Variants in KIF21B observed in about 807,000 individuals in gnomAD.
KIF21B encodes the protein kinesin family member 21B.
Under a neutral mutation model 192.9 loss-of-function variants are expected in KIF21B, and 85 were observed. That is an observed-to-expected ratio of 0.44 (90% confidence interval 0.37 to 0.53). The LOEUF is 0.53. Ranked by LOEUF, KIF21B falls within the 20% of genes least tolerant of loss-of-function variation. The pLI is 0.00. For synonymous variants in KIF21B, 832 were observed against 884.6 expected (o/e 0.94, Z 1.05); for missense variants, 1,716 against 2,194.8 (o/e 0.78, Z 4.36).
In KIF21B at chr1:201,020,929, G is replaced by T. The variant is rs114695369; in HGVS notation, c.41+2414C>A. Among the ~76,000 whole-genome samples, 135 of 152,164 alleles carry T rather than the reference G, an allele frequency of 8.9e-4. 2 individuals are homozygous for T. Among genetic ancestry groups the T allele is most frequent in the African/African-American group, 3.2e-3 (131 of 41,464 alleles). On this transcript the variant is annotated intron_variant, in intron 1 of 34. Transcript: ENST00000461742. The stretch of plus-strand genomic sequence containing the variant: ...GCTATGTTATTCTCATGGAAATTCA[G>T]AAGGCACTTCAGTTGGATTCAAGAA...
rs1443550030 is a variant in KIF21B, at chr1:200,969,464, T to A, written c.*4057A>T. On this transcript the variant is annotated 3_prime_UTR_variant, in exon 35 of 35. Transcript: ENST00000461742. ...AATCTAGGAACAGAAATGTACAACA[T>A]GGGGCTTAAATAACTTTCATACACT... The A allele has an allele frequency of 1.3e-5, 2 of 152,856 alleles. No individual in the cohort carries two copies. Among genetic ancestry groups the A allele is most frequent in the African/African-American group, 4.8e-5 (2 of 41,462 alleles). 9.5% of individuals were successfully genotyped at this position (152,856 alleles called of 1,614,324 possible).
intron 34 of KIF21B, 52 bp from the exon 35 acceptor site, chr1:200,973,630 T>G: frequency 6.6e-7 from 1 of 1,521,224 alleles, no homozygotes; most frequent in African/African-American, 1.4e-5. Flanking sequence ...GCAGTGGGCT[T>G]GGCTGGCTGC....
chr1:201,003,321 A>G, intron 8 of KIF21B: 1 of 536,352 alleles, frequency 1.9e-6, no homozygotes, highest in Non-Finnish European at 3.4e-6. Flanking sequence ...CTATGCAACA[A>G]AAGCTGGGGA....
chr1:200,979,933 A>T (rs1655811427), intron 29 of KIF21B, among the ~76,000 whole-genome samples: 1 of 152,196 alleles, frequency 6.6e-6, no homozygotes, highest in East Asian at 1.9e-4. Flanking sequence ...TTCCCTCAGA[A>T]CTTCAGACCA....
intron 1 of KIF21B, among the ~76,000 whole-genome samples, chr1:201,011,730 C>A (rs1329895111): frequency 2.0e-5 from 3 of 152,246 alleles, no homozygotes; most frequent in African/African-American, 7.2e-5. Context: ...CTGGCCTGGG[C>A]AGCCTCTGAG....
rs529917183 is a variant in KIF21B, at chr1:200,996,329, C to T, written c.2144G>A (p.Arg715Gln). The T allele has an allele frequency of 1.1e-4, 180 of 1,614,136 alleles. No individual in the cohort carries two copies. The highest frequency in any genetic ancestry group is 5.7e-4 in the Admixed American group (34 of 60,020). ...CTTCTGCAGGTCCCGGTTCATCTCC[C>T]GCAGCCTCTTCTCATAGTCTGCCTT... Reference protein sequence around the residue: ...KIKADYEKRLREMNRDLQKLQ... With the variant: ...KIKADYEKRLQEMNRDLQKLQ... The change falls in exon 15 of 35, where the codon CGG becomes CAG. Residue 715 changes from arginine to glutamine, a missense_variant. Around this residue, in one of 3 missense-constraint regions of KIF21B, gnomAD observed 1,087 missense variants for 1,316.6 expected, o/e 0.83. Coordinates refer to ENST00000461742, the MANE Select transcript of KIF21B (RefSeq NM_001252102.2).
intron 3 of KIF21B, among the ~76,000 whole-genome samples, chr1:201,006,874 A>T (rs910912699): frequency 3.3e-5 from 5 of 151,200 alleles, no homozygotes; most frequent in Admixed American, 2.6e-4. Flanking sequence ...ACACACACAC[A>T]GACACAGAGA....
At chr1:201,020,225 G>A (rs927176912) in intron 1 of KIF21B, among the ~76,000 whole-genome samples, 1 of 152,118 alleles carries the variant, frequency 6.6e-6, no homozygotes, top group Non-Finnish European at 1.5e-5. Flanking sequence ...GACTTGAAAG[G>A]GTCTTAAACA....
intron 3 of KIF21B, among the ~76,000 whole-genome samples, chr1:201,006,963 C>CAG (rs370695360): frequency 1.4e-5 from 2 of 138,672 alleles, no homozygotes; most frequent in African/African-American, 6.2e-5. Flanking sequence ...CACACACACA[C>CAG]AGACACCCAC....
intron 1 of KIF21B, among the ~76,000 whole-genome samples, chr1:201,015,245 C>T (rs1358121211): frequency 1.3e-5 from 2 of 152,232 alleles, no homozygotes; most frequent in African/African-American, 4.8e-5. Context: ...GGCATGCTCG[C>T]AGCTGCCCAC....
intron 15 of KIF21B, among the ~76,000 whole-genome samples, chr1:200,993,494 C>CA (rs1367874277): frequency 7.9e-5 from 12 of 152,182 alleles, no homozygotes; most frequent in Non-Finnish European, 1.6e-4. Context: ...GTAATCCCAG[C>CA]ACTGGCACTT....
intron 3 of KIF21B, among the ~76,000 whole-genome samples, chr1:201,008,133 T>C (rs1658019696): frequency 6.6e-6 from 1 of 152,154 alleles, no homozygotes; most frequent in African/African-American, 2.4e-5. Context: ...GTGCCCTTAC[T>C]GAGTGGGGGC....
chr1:201,004,733 G>A (rs1277943774), intron 6 of KIF21B, 33 bp downstream of exon 6: 6 of 1,613,176 alleles, frequency 3.7e-6, no homozygotes, highest in Non-Finnish European at 5.1e-6. Context: ...GAGCTGTGTG[G>A]GTGCTGGGGC....
chr1:201,020,808 TACACACACACACACACAC>T (rs60686711), intron 1 of KIF21B, among the ~76,000 whole-genome samples: 2 of 142,816 alleles, frequency 1.4e-5, no homozygotes, highest in Admixed American at 6.9e-5. Flanking sequence ...CTCTCTCCTC[TACACACACACACACACAC>T]ACACACACAC....
At chr1:201,016,086 G>A (rs1303242542) in intron 1 of KIF21B, among the ~76,000 whole-genome samples, 1 of 152,198 alleles carries the variant, frequency 6.6e-6, no homozygotes, top group African/African-American at 2.4e-5. Context: ...TGTGCCCCAT[G>A]TTACTAAGGC....
Position 200,991,032 on chromosome 1 carries a change from CAGA to C in KIF21B, c.2569_2571del (p.Ser857del), listed in dbSNP as rs1656658158. ...ACAGAGCGGGCCCCTGATTCAGCCT[CAGA>C]TGAGGTAGTGCTGGCCGACACCTCA... On this transcript the variant is annotated inframe_deletion, in exon 18 of 35. Coordinates refer to ENST00000461742, the MANE Select transcript of KIF21B (RefSeq NM_001252102.2). 1 of 1,614,068 alleles carries C rather than the reference CAGA, an allele frequency of 6.2e-7. No homozygotes were observed. Among genetic ancestry groups the C allele is most frequent in the Admixed American group, 1.7e-5 (1 of 60,014 alleles).
At position 200,977,309 on chromosome 1, in the gene KIF21B, G is replaced by C; in HGVS notation, c.4228C>G (p.Gln1410Glu). ...ATCTGGTTGATCTGATGCTCGCCCT[G>C]AGCACTGGTGATGGCACGGGTGGAT... ...ATSTRAITSA[Q>E]GEHQINQIAL... Residue 1410 changes from glutamine (Q) to glutamate (E), a missense_variant, in exon 31 of 35, where the codon CAG (glutamine) becomes GAG (glutamate). Transcript: ENST00000461742. 6.2e-7 allele frequency: 1 copy of C among 1,614,234 alleles called. No homozygotes were observed. Among genetic ancestry groups the C allele is most frequent in the Non-Finnish European group, 8.5e-7 (1 of 1,180,036 alleles).
chr1:200,973,431 G>A lies in KIF21B; in HGVS notation c.*90C>T, dbSNP rs1415167834. ...GGCCACGCCCTCTGTCCCCAGAGCA[G>A]CTGGCCCCATCGGCCGGGTCACAGC... is the stretch of plus-strand genomic sequence containing the variant. On this transcript the variant is annotated 3_prime_UTR_variant, in exon 35 of 35. Transcript: ENST00000461742. 6 of 1,363,314 alleles carry A rather than the reference G, an allele frequency of 4.4e-6. No homozygotes were observed. In the African/African-American group the frequency reaches 9.2e-5, roughly 21 times the overall value. The allele number at this position is 1,363,314 out of a possible 1,614,324, so 84.5% of individuals were successfully genotyped here. A position where few individuals can be genotyped will look rare whatever the true frequency, so the allele number is the denominator to read the frequency against.
At chr1:200,997,599 C>T (rs112405315) in intron 14 of KIF21B, among the ~76,000 whole-genome samples, 36 of 152,210 alleles carry the variant, frequency 2.4e-4, no homozygotes, top group African/African-American at 7.0e-4. Flanking sequence ...AAAAATTAGC[C>T]GGGCGTGGTG....
Sources: gnomAD v4.1 joint callset for allele counts (sites outside exome capture counted in the v4.1 genomes callset) on GRCh38, gnomAD v4.1.1 for gene constraint, gnomAD v4.1.1 regional missense constraint, MANE v1.5 for transcripts, NCBI Gene and HGNC (gene_info 2026-07-23, HGNC 2026-07-21) for gene names.